The following CTNNA2 variants were observed in gnomAD, a reference collection of about 807,000 sequenced individuals.
CTNNA2 encodes the protein catenin alpha-2.
Under a neutral mutation model 101.0 loss-of-function variants are expected in CTNNA2, and 42 were observed. The ratio of observed to expected loss-of-function variants is 0.42; its 90% CI spans 0.32 to 0.54. The LOEUF (loss-of-function observed/expected upper bound fraction) is 0.54. Ranked by LOEUF, CTNNA2 falls within the 20% of genes least tolerant of loss-of-function variation. CTNNA2 has a pLI of 0.14. For synonymous variants in CTNNA2, 450 were observed against 456.4 expected (o/e 0.99, Z 0.18); for missense variants, 871 against 1,223.1 (o/e 0.71, Z 4.29).
At chr2:79,943,881 T>C (rs773661584) in intron 7 of CTNNA2, among the ~76,000 whole-genome samples, 14 of 152,206 alleles carry the variant, frequency 9.2e-5, no homozygotes, top group Non-Finnish European at 1.5e-4. Flanking sequence ...TATAATATGC[T>C]TAAAGATATG....
chr2:79,529,761 A>G (rs1190655564), intron 1 of CTNNA2, among the ~76,000 whole-genome samples: 1 of 152,006 alleles, frequency 6.6e-6, no homozygotes, highest in African/African-American at 2.4e-5. Context: ...TAGCCAAAGC[A>G]TACACAAGCA....
Position 79,869,921 on chromosome 2 carries a change from G to T in CTNNA2, c.571G>T (p.Ala191Ser). Reference protein sequence around the residue: ...KEMVKLNYVAARRQQELKDPH... With the variant: ...KEMVKLNYVASRRQQELKDPH... ...GATGGTGAAACTTAACTATGTAGCA[G>T]CAAGAAGACAACAGGTGGGAAAGAT... is the stretch of plus-strand genomic sequence containing the variant. Residue 191 changes from alanine to serine, a missense_variant, in exon 5 of 19, where the codon GCA becomes TCA. By Grantham distance (99) the Ala-to-Ser change is moderately conservative. Around this residue, in one of 5 missense-constraint regions of CTNNA2, gnomAD observed 647 missense variants for 831.5 expected, o/e 0.78. Transcript: ENST00000402739. 1 of 1,613,788 alleles carries T rather than the reference G, an allele frequency of 6.2e-7. No individual in the cohort carries two copies. Among genetic ancestry groups the T allele is most frequent in the Non-Finnish European group, 8.5e-7 (1 of 1,179,964 alleles).
chr2:80,130,983 G>C (rs1386003437), intron 7 of CTNNA2, among the ~76,000 whole-genome samples: 1 of 151,444 alleles, frequency 6.6e-6, no homozygotes, highest in Admixed American at 6.6e-5. Flanking sequence ...AAAAAGAGAA[G>C]AATTGATAAA....
intron 3 of CTNNA2, among the ~76,000 whole-genome samples, chr2:79,330,538 C>G (rs1353069648): frequency 6.6e-6 from 1 of 152,140 alleles, no homozygotes; most frequent in Non-Finnish European, 1.5e-5. Flanking sequence ...AAAAGCCACC[C>G]CTGGCTGGGT....
chr2:79,606,852 A>G (rs1221076852), intron 1 of CTNNA2, among the ~76,000 whole-genome samples: 1 of 152,236 alleles, frequency 6.6e-6, no homozygotes, highest in Non-Finnish European at 1.5e-5. Context: ...TTAATTCAAA[A>G]GAAGGCAGAA....
At chr2:79,733,232 A>G (rs1426527771) in intron 2 of CTNNA2, among the ~76,000 whole-genome samples, 2 of 152,104 alleles carry the variant, frequency 1.3e-5, no homozygotes, top group East Asian at 1.9e-4. Context: ...TTATACCATC[A>G]TGAGCTAATA....
intron 3 of CTNNA2, among the ~76,000 whole-genome samples, chr2:79,368,894 G>T (rs1039147765): frequency 6.6e-6 from 1 of 152,186 alleles, no homozygotes; most frequent in Admixed American, 6.5e-5. Flanking sequence ...GCAAAACTAG[G>T]TTTTGTTGTT....
chr2:79,285,269 T>C (rs1178501750), intron 2 of CTNNA2, among the ~76,000 whole-genome samples: 1 of 150,588 alleles, frequency 6.6e-6, no homozygotes, highest in Non-Finnish European at 1.5e-5. Flanking sequence ...TCTGCTCTGA[T>C]TTTAGTTATT....
chr2:79,599,429 A>T lies in CTNNA2; in HGVS notation c.-5-52123A>T, dbSNP rs115775764. ...TTGAACATAAAAATAAATCTCATGGATATTTTTATGAATACATAATGCACA... is the reference window on the plus strand; with the variant it reads ...TTGAACATAAAAATAAATCTCATGGTTATTTTTATGAATACATAATGCACA... On this transcript the variant is annotated intron_variant, in intron 1 of 18. Transcript: ENST00000402739. 1.3e-3 allele frequency among the ~76,000 whole-genome samples: 196 copies of T among 152,292 alleles called. 1 individual carries two copies. The highest frequency in any genetic ancestry group is 2.1e-3 in the Non-Finnish European group (142 of 68,012).
chr2:79,215,873 C>G (rs752457689), intron 2 of CTNNA2, among the ~76,000 whole-genome samples: 52 of 151,944 alleles, frequency 3.4e-4, no homozygotes, highest in Non-Finnish European at 6.3e-4. Context: ...AGAATTATGA[C>G]CTAGCTCGGC....
chr2:79,835,687 T>TGTTTGTTTGTTTG (rs1558565819), intron 3 of CTNNA2, among the ~76,000 whole-genome samples: 10 of 134,842 alleles, frequency 7.4e-5, no homozygotes, highest in African/African-American at 2.8e-4. Flanking sequence ...TTTTTTTTTT[T>TGTTTGTTTGTTTG]TTTTTTTTTT....
intron 7 of CTNNA2, among the ~76,000 whole-genome samples, chr2:80,272,242 T>C (rs1165117625): frequency 1.3e-5 from 2 of 152,218 alleles, no homozygotes; most frequent in African/African-American, 2.4e-5. Context: ...TAGACACTTG[T>C]AACTGTCACT....
At chr2:79,783,975 G>A (rs931446637) in intron 3 of CTNNA2, among the ~76,000 whole-genome samples, 1 of 152,176 alleles carries the variant, frequency 6.6e-6, no homozygotes, top group African/African-American at 2.4e-5. Context: ...AAGTTCTGGT[G>A]TTAAACAACT....
At chr2:80,601,056 A>C (rs1364911756) in intron 15 of CTNNA2, among the ~76,000 whole-genome samples, 1 of 152,134 alleles carries the variant, frequency 6.6e-6, no homozygotes, top group African/African-American at 2.4e-5. Flanking sequence ...GATGTCCAGG[A>C]AGTAAATATT....
intron 2 of CTNNA2, among the ~76,000 whole-genome samples, chr2:79,239,830 G>A (rs1318912349): frequency 6.6e-6 from 1 of 152,110 alleles, no homozygotes; most frequent in Non-Finnish European, 1.5e-5. Flanking sequence ...GAATATACGA[G>A]GAACGTAAAA....
At position 79,802,942 on chromosome 2, in the gene CTNNA2, G is replaced by T. The variant is rs73941316; in HGVS notation, c.299-55071G>T. Reference sequence around the variant, plus strand: ...CTAAATGAGATGAAATCAGATATTGGCTTTAAAACATTTTAAAAGGTTAAA... The same window carrying T: ...CTAAATGAGATGAAATCAGATATTGTCTTTAAAACATTTTAAAAGGTTAAA... On this transcript the variant is annotated intron_variant, in intron 3 of 18. Transcript: ENST00000402739. 4.8e-3 allele frequency among the ~76,000 whole-genome samples: 738 copies of T among 152,218 alleles called. 6 individuals carry two copies. The highest frequency in any genetic ancestry group is 5.5e-3 in the Non-Finnish European group (376 of 68,024).
intron 2 of CTNNA2, among the ~76,000 whole-genome samples, chr2:79,282,088 C>A (rs1675403600): frequency 6.6e-6 from 1 of 152,068 alleles, no homozygotes; most frequent in Non-Finnish European, 1.5e-5. Context: ...GATACCTTTA[C>A]ATGATTACTT....
intron 3 of CTNNA2, among the ~76,000 whole-genome samples, chr2:79,851,664 G>A (rs138910577): frequency 6.6e-6 from 1 of 150,400 alleles, no homozygotes; most frequent in Non-Finnish European, 1.5e-5. Flanking sequence ...GAACAAACTG[G>A]TTAAGAGGAT....
intron 7 of CTNNA2, among the ~76,000 whole-genome samples, chr2:80,239,578 G>A (rs970966453): frequency 2.8e-4 from 43 of 151,712 alleles, no homozygotes; most frequent in East Asian, 1.6e-3. Context: ...TTTATAAATC[G>A]GGTACAGTAA....
Sources: allele counts gnomAD v4.1 joint callset (sites outside exome capture counted in the v4.1 genomes callset), GRCh38; gene constraint gnomAD v4.1.1; regional missense constraint gnomAD v4.1.1; transcripts MANE v1.5; gene names NCBI Gene and HGNC (gene_info 2026-07-23, HGNC 2026-07-21).